The following SLC24A3 variants were observed in gnomAD, a reference collection of about 807,000 sequenced individuals.
SLC24A3 encodes solute carrier family 24 member 3.
In SLC24A3, 28 loss-of-function variants were observed where a neutral mutation model predicts 75.8. The observed-to-expected ratio is 0.37, with a 90% CI of 0.27 to 0.51. SLC24A3 has a LOEUF of 0.51. Among genes scored for constraint, SLC24A3 ranks in the 20% least tolerant of loss-of-function variants. The pLI is 0.94. For missense variants in SLC24A3, 663 were observed against 847.8 expected (o/e 0.78, Z 2.71); for synonymous variants, 372 against 334.1 (o/e 1.11, Z -1.24).
chr20:19,709,345 G>A (rs952202097), intron 15 of SLC24A3, among the ~76,000 whole-genome samples: 1 of 152,172 alleles, frequency 6.6e-6, no homozygotes, highest in Admixed American at 6.5e-5. Context: ...CAGGGAGATG[G>A]GGGGATGTGG....
intron 1 of SLC24A3, among the ~76,000 whole-genome samples, chr20:19,249,107 A>G (rs183700438): frequency 2.6e-5 from 4 of 152,230 alleles, no homozygotes; most frequent in African/African-American, 7.2e-5. Context: ...TCCACATTGT[A>G]TATGTAGATC....
chr20:19,360,199 A>G (rs1985761122), intron 2 of SLC24A3, among the ~76,000 whole-genome samples: 1 of 152,214 alleles, frequency 6.6e-6, no homozygotes, highest in Non-Finnish European at 1.5e-5. Context: ...TTTTGCTGAT[A>G]CCATCTTATG....
intron 2 of SLC24A3, among the ~76,000 whole-genome samples, chr20:19,507,624 A>G (rs1227441757): frequency 6.6e-6 from 1 of 152,186 alleles, no homozygotes; most frequent in African/African-American, 2.4e-5. Flanking sequence ...AATCCACATC[A>G]TTTTGCTCAC....
At chr20:19,268,404 A>G (rs571101632) in intron 1 of SLC24A3, among the ~76,000 whole-genome samples, 1 of 152,320 alleles carries the variant, frequency 6.6e-6, no homozygotes, top group East Asian at 1.9e-4. Context: ...GTAGCACACA[A>G]TTCTGAAGGT....
chr20:19,652,210 C>G (rs1449995452), intron 6 of SLC24A3, among the ~76,000 whole-genome samples: 1 of 152,024 alleles, frequency 6.6e-6, no homozygotes, highest in Non-Finnish European at 1.5e-5. Context: ...ATGTCCTGAT[C>G]GAAAAAACCC....
At position 19,684,266 on chromosome 20, in the gene SLC24A3, G is replaced by A. The variant is rs1466200894; in HGVS notation, c.992G>A (p.Arg331Gln). 5 of 1,613,994 alleles carry A rather than the reference G, an allele frequency of 3.1e-6. No individual in the cohort carries two copies. Among genetic ancestry groups the A allele is most frequent in the Non-Finnish European group, 4.2e-6 (5 of 1,179,996 alleles). The change falls in exon 11 of 17, where the codon CGA becomes CAA. Residue 331 changes from arginine to glutamine, a missense_variant. Coordinates refer to ENST00000328041, the MANE Select transcript of SLC24A3 (RefSeq NM_020689.4). ...HQLSFSEAGLRIMITSHFPPK... is the reference protein window; with the variant it reads ...HQLSFSEAGLQIMITSHFPPK... ...CTTTCCTTCTCTGAGGCTGGCCTTC[G>A]AATCATGATAACCAGCCACTTTCCC...
intron 9 of SLC24A3, among the ~76,000 whole-genome samples, chr20:19,674,926 G>A (rs371605321): frequency 9.9e-5 from 15 of 152,262 alleles, no homozygotes; most frequent in Middle Eastern, 6.8e-3. Flanking sequence ...GGTGGCGTGC[G>A]CCTGTAATCC....
At chr20:19,364,745 G>A (rs550614180) in intron 2 of SLC24A3, among the ~76,000 whole-genome samples, 2 of 152,182 alleles carry the variant, frequency 1.3e-5, no homozygotes, top group East Asian at 1.9e-4. Flanking sequence ...ATGAGCCACC[G>A]TACCTGGCCA....
chr20:19,550,949 A>T (rs2030684176), intron 3 of SLC24A3, among the ~76,000 whole-genome samples: 4 of 152,244 alleles, frequency 2.6e-5, no homozygotes, highest in Non-Finnish European at 4.4e-5. Flanking sequence ...GAGAGTGGTG[A>T]GGAAAGAGGA....
At chr20:19,322,447 A>G (rs1028742641) in intron 2 of SLC24A3, among the ~76,000 whole-genome samples, 5 of 131,352 alleles carry the variant, frequency 3.8e-5, no homozygotes, top group Non-Finnish European at 7.9e-5. Context: ...TTTTTAATCC[A>G]TTACCTTCAT....
At chr20:19,703,773 C>T (rs2032898516) in intron 15 of SLC24A3, among the ~76,000 whole-genome samples, 4 of 152,168 alleles carry the variant, frequency 2.6e-5, no homozygotes, top group Admixed American at 2.6e-4. Flanking sequence ...AAAATAGTAA[C>T]AGTATTTGGC....
chr20:19,460,135 T>C (rs1326119829), intron 2 of SLC24A3, among the ~76,000 whole-genome samples: 4 of 152,144 alleles, frequency 2.6e-5, no homozygotes, highest in African/African-American at 9.7e-5. Flanking sequence ...CAGCTGCTCT[T>C]AGGGAGGTTT....
chr20:19,433,781 G>T (rs900085380), intron 2 of SLC24A3, among the ~76,000 whole-genome samples: 1 of 152,228 alleles, frequency 6.6e-6, no homozygotes, highest in African/African-American at 2.4e-5. Context: ...ACTGATTACC[G>T]TCTCATCTTA....
intron 2 of SLC24A3, among the ~76,000 whole-genome samples, chr20:19,295,575 T>C (rs1323894381): frequency 6.6e-6 from 1 of 152,222 alleles, no homozygotes; most frequent in Non-Finnish European, 1.5e-5. Flanking sequence ...GGATGTTGAA[T>C]TTTATTGAAG....
At chr20:19,556,654 G>A (rs907523300) in intron 3 of SLC24A3, among the ~76,000 whole-genome samples, 11 of 151,528 alleles carry the variant, frequency 7.3e-5, no homozygotes, top group African/African-American at 2.4e-4. Context: ...TGCTACAAAC[G>A]GCTTGTCACA....
intron 2 of SLC24A3, among the ~76,000 whole-genome samples, chr20:19,487,739 A>C (rs1473330141): frequency 6.6e-6 from 1 of 152,194 alleles, no homozygotes; most frequent in Admixed American, 6.5e-5. Context: ...ATGCCACGCT[A>C]ATATCCCAGT....
At chr20:19,398,170 TACTTA>T (rs1203548396) in intron 2 of SLC24A3, among the ~76,000 whole-genome samples, 4 of 152,184 alleles carry the variant, frequency 2.6e-5, no homozygotes, top group Admixed American at 2.0e-4. Context: ...ATACCTTTAT[TACTTA>T]ACTTAAAGGC....
chr20:19,250,097 C>G (rs1180423266), intron 1 of SLC24A3, among the ~76,000 whole-genome samples: 1 of 152,200 alleles, frequency 6.6e-6, no homozygotes, highest in Non-Finnish European at 1.5e-5. Context: ...ATTCAACAGC[C>G]ATGTGTGCAG....
chr20:19,469,569 G>C (rs1987830687), intron 2 of SLC24A3, among the ~76,000 whole-genome samples: 1 of 152,130 alleles, frequency 6.6e-6, no homozygotes, highest in South Asian at 2.1e-4. Context: ...GCCTTCATCT[G>C]AGGACATCCA....
Sources: allele counts gnomAD v4.1 joint callset (sites outside exome capture counted in the v4.1 genomes callset), GRCh38; gene constraint gnomAD v4.1.1; transcripts MANE v1.5; gene names NCBI Gene and HGNC (gene_info 2026-07-23, HGNC 2026-07-21).